Variants in GPR176 observed in about 807,000 individuals in gnomAD.
The protein encoded by GPR176 is G protein-coupled receptor 176.
In GPR176, 26 loss-of-function variants were observed where a neutral mutation model predicts 35.4. That is an observed-to-expected ratio of 0.74 (90% CI 0.54 to 1.02). The LOEUF (loss-of-function observed/expected upper bound fraction) is 1.02, where lower values mean the gene tolerates loss of function less well. GPR176 is among the 50% of genes least tolerant of loss of function. GPR176 has a pLI of 0.00. For synonymous variants in GPR176, 278 were observed against 271.3 expected, an observed-to-expected ratio of 1.02 and a Z score of -0.24; for missense variants, 597 against 665.3, an observed-to-expected ratio of 0.90 and a Z score of 1.13.
chr15:39,820,636 A>C (rs940262411), intron 1 of GPR176, among the ~76,000 whole-genome samples: 3 of 152,242 alleles, frequency 2.0e-5, no homozygotes, highest in Admixed American at 2.0e-4. Context: ...TTTTGAGGTA[A>C]GAACTAAACT....
At chr15:39,831,625 C>T (rs1028019829) in intron 1 of GPR176, among the ~76,000 whole-genome samples, 14 of 152,136 alleles carry the variant, frequency 9.2e-5, no homozygotes, top group East Asian at 1.9e-4. Flanking sequence ...ACCCTCACAT[C>T]CAACAAAATA....
chr15:39,809,608 G>A (rs1899413505), intron 1 of GPR176, among the ~76,000 whole-genome samples: 1 of 152,120 alleles, frequency 6.6e-6, no homozygotes, highest in South Asian at 2.1e-4. Flanking sequence ...CCCTAGAAAT[G>A]ATCTAAGCTC....
At chr15:39,909,313 G>C (rs142710898) in intron 1 of GPR176, among the ~76,000 whole-genome samples, 2 of 152,202 alleles carry the variant, frequency 1.3e-5, no homozygotes, top group African/African-American at 4.8e-5. Context: ...TCACGTAATA[G>C]TTGGTACATG....
chr15:39,810,062 G>A (rs556884097), intron 1 of GPR176, among the ~76,000 whole-genome samples: 2 of 151,508 alleles, frequency 1.3e-5, no homozygotes, highest in African/African-American at 2.4e-5. Context: ...GGAGAACGGC[G>A]TGAACCCAGG....
At chr15:39,886,969 G>A (rs780810214) in intron 1 of GPR176, among the ~76,000 whole-genome samples, 13 of 152,296 alleles carry the variant, frequency 8.5e-5, no homozygotes, top group Admixed American at 2.0e-4. Flanking sequence ...TGGGCCATAC[G>A]TTGGGACCCC....
intron 1 of GPR176, among the ~76,000 whole-genome samples, chr15:39,913,829 A>G (rs1056266002): frequency 1.3e-5 from 2 of 152,128 alleles, no homozygotes; most frequent in South Asian, 2.1e-4. Flanking sequence ...GGCAGATCAC[A>G]AGGTCAGGAG....
At chr15:39,842,700 A>G (rs918695436) in intron 1 of GPR176, among the ~76,000 whole-genome samples, 8 of 152,148 alleles carry the variant, frequency 5.3e-5, no homozygotes, top group Non-Finnish European at 7.4e-5. Flanking sequence ...TCTGCCTCTA[A>G]GATCAGACAC....
At chr15:39,820,081 G>A (rs1402050120) in intron 1 of GPR176, among the ~76,000 whole-genome samples, 1 of 152,184 alleles carries the variant, frequency 6.6e-6, no homozygotes, top group East Asian at 1.9e-4. Flanking sequence ...TCCCACTACT[G>A]AGGAGGTTAA....
intron 1 of GPR176, among the ~76,000 whole-genome samples, chr15:39,878,366 C>T (rs2032338444): frequency 6.6e-6 from 1 of 151,978 alleles, no homozygotes; most frequent in Non-Finnish European, 1.5e-5. Flanking sequence ...TGAAATCATA[C>T]AGTACTGTCT....
In GPR176 at chr15:39,800,945, T is replaced by A. The variant is rs1013457203; in HGVS notation, c.*187A>T. On this transcript the variant is annotated 3_prime_UTR_variant, in exon 3 of 3. Transcript: ENST00000561100. ...GGATCACTGAGATGGATACATATAC[T>A]CCCTCAATAAAGAGGACACTGGATT... 11 of 584,254 alleles carry A rather than the reference T, an allele frequency of 1.9e-5. No homozygotes were observed. The African/African-American group carries it at 2.1e-4, about 11-fold the overall frequency. The allele number at this position is 584,254 out of a possible 1,614,324, so 36.2% of individuals were successfully genotyped here.
chr15:39,891,090 T>C (rs1433600845), intron 1 of GPR176, among the ~76,000 whole-genome samples: 1 of 152,114 alleles, frequency 6.6e-6, no homozygotes, highest in Non-Finnish European at 1.5e-5. Context: ...ACACAGCTGG[T>C]TTCATTTATG....
At chr15:39,819,601 A>G (rs1232560333) in intron 1 of GPR176, among the ~76,000 whole-genome samples, 1 of 152,242 alleles carries the variant, frequency 6.6e-6, no homozygotes, top group Non-Finnish European at 1.5e-5. Context: ...TCCCATTGCC[A>G]ACACACAGTG....
At position 39,834,822 on chromosome 15, in the gene GPR176, A is replaced by T. The variant is rs76308291; in HGVS notation, c.173-27564T>A. Among the ~76,000 whole-genome samples, 660 of 152,232 alleles carry T rather than the reference A, an allele frequency of 4.3e-3. 2 individuals carry two copies. Among genetic ancestry groups the T allele is most frequent in the Middle Eastern group, 0.014 (4 of 294 alleles). ...GGGCTGAGGAAAAGTGGGGATAATT[A>T]ATGGGGTCAAAAATAGAATGAATAA... On this transcript the variant is annotated intron_variant, in intron 1 of 2. Transcript: ENST00000561100.
chr15:39,853,097 T>C (rs1334232366), intron 1 of GPR176, among the ~76,000 whole-genome samples: 2 of 152,144 alleles, frequency 1.3e-5, no homozygotes, highest in Admixed American at 6.6e-5. Flanking sequence ...ATCTGAATCT[T>C]GAAGAGATAT....
intron 1 of GPR176, among the ~76,000 whole-genome samples, chr15:39,831,648 T>C (rs1406408554): frequency 1.3e-5 from 2 of 152,102 alleles, no homozygotes; most frequent in Admixed American, 6.6e-5. Context: ...GTAGATTTGA[T>C]TATCTCCCCT....
At chr15:39,893,596 C>T (rs2032956667) in intron 1 of GPR176, among the ~76,000 whole-genome samples, 1 of 152,238 alleles carries the variant, frequency 6.6e-6, no homozygotes, top group Non-Finnish European at 1.5e-5. Flanking sequence ...GTCATCCTGG[C>T]CTGTTCTCAA....
chr15:39,914,629 C>G (rs540914405), intron 1 of GPR176, among the ~76,000 whole-genome samples: 6 of 152,110 alleles, frequency 3.9e-5, no homozygotes, highest in Non-Finnish European at 7.3e-5. Context: ...TTATTCTTAA[C>G]GTAGTCTGCT....
intron 1 of GPR176, among the ~76,000 whole-genome samples, chr15:39,877,307 C>T (rs1319977537): frequency 1.3e-5 from 2 of 152,098 alleles, no homozygotes; most frequent in African/African-American, 4.8e-5. Flanking sequence ...TCCCCCAACC[C>T]CAGCCACACT....
At chr15:39,896,522 CTTAT>C (rs1169804121) in intron 1 of GPR176, among the ~76,000 whole-genome samples, 1 of 152,096 alleles carries the variant, frequency 6.6e-6, no homozygotes, top group Admixed American at 6.5e-5. Context: ...AGCATTTTAT[CTTAT>C]TATTACGTGA....
Sources: allele counts gnomAD v4.1 joint callset (sites outside exome capture counted in the v4.1 genomes callset), GRCh38; gene constraint gnomAD v4.1.1; transcripts MANE v1.5; gene names NCBI Gene and HGNC (gene_info 2026-07-23, HGNC 2026-07-21).